Variants in ADGRV1 observed in about 807,000 individuals in gnomAD.
ADGRV1 encodes adhesion G protein-coupled receptor V1.
ADGRV1 carries 359 observed loss-of-function variants against 596.2 expected under a neutral mutation model. That is an observed-to-expected ratio of 0.60 (90% CI 0.55 to 0.66). The LOEUF is 0.66. Ranked by LOEUF, ADGRV1 falls within the 30% of genes least tolerant of loss-of-function variation. The pLI, the probability that ADGRV1 is intolerant of heterozygous loss-of-function variation, is 0.00. For synonymous variants in ADGRV1, 2,681 were observed against 2,679.2 expected (o/e 1.00, Z -0.02); for missense variants, 7,274 against 7,575.6 (o/e 0.96, Z 1.48).
intron 89 of ADGRV1, among the ~76,000 whole-genome samples, chr5:91,156,356 T>A (rs6863796): frequency 0.041 from 6,225 of 151,896 alleles, 350 homozygotes; most frequent in African/African-American, 0.12. Flanking sequence ...ACCAAGAAAC[T>A]GTAGCAAGTT....
At chr5:91,087,135 A>G (rs1042132401) in intron 86 of ADGRV1, among the ~76,000 whole-genome samples, 5 of 152,036 alleles carry the variant, frequency 3.3e-5, no homozygotes, top group African/African-American at 9.7e-5. Context: ...TCTTTCCCCA[A>G]AGTTCCCTGA....
At chr5:90,905,994 G>T (rs1038482254) in intron 83 of ADGRV1, among the ~76,000 whole-genome samples, 1 of 151,952 alleles carries the variant, frequency 6.6e-6, no homozygotes, top group Non-Finnish European at 1.5e-5. Flanking sequence ...TGATCATTTG[G>T]TTTTAGTCCT....
At chr5:91,080,600 A>AAC (rs1051030901) in intron 86 of ADGRV1, among the ~76,000 whole-genome samples, 32 of 151,616 alleles carry the variant, frequency 2.1e-4, no homozygotes, top group Non-Finnish European at 1.3e-4. Flanking sequence ...AAAAAAAAAA[A>AAC]AAAAAAAAAA....
At chr5:90,877,770 T>C (rs1345403509) in intron 83 of ADGRV1, among the ~76,000 whole-genome samples, 1 of 152,028 alleles carries the variant, frequency 6.6e-6, no homozygotes, top group African/African-American at 2.4e-5. Flanking sequence ...CACAATTTAC[T>C]GCTATCACAT....
chr5:91,066,803 G>C (rs1787921303), intron 85 of ADGRV1, among the ~76,000 whole-genome samples: 1 of 152,186 alleles, frequency 6.6e-6, no homozygotes, highest in African/African-American at 2.4e-5. Flanking sequence ...GATTGGGATG[G>C]AGTCCTGGCT....
intron 50 of ADGRV1, among the ~76,000 whole-genome samples, chr5:90,738,759 T>A (rs1753577021): frequency 6.6e-6 from 1 of 152,200 alleles, no homozygotes; most frequent in African/African-American, 2.4e-5. Flanking sequence ...TGTTTGATTT[T>A]TGTCTGGGTA....
At chr5:90,932,794 T>TTGTGTGTG (rs35670367) in intron 83 of ADGRV1, among the ~76,000 whole-genome samples, 19 of 150,382 alleles carry the variant, frequency 1.3e-4, no homozygotes, top group African/African-American at 3.4e-4. Flanking sequence ...TTGTCGTGAG[T>TTGTGTGTG]TGTGTGTGTG....
chr5:91,140,139 C>A (rs1794974431), intron 87 of ADGRV1, among the ~76,000 whole-genome samples: 2 of 152,220 alleles, frequency 1.3e-5, no homozygotes, highest in African/African-American at 4.8e-5. Context: ...ACCTTGCCTT[C>A]TCTCTTCATC....
rs893595264 is a variant in ADGRV1, at chr5:91,107,363, C to T, written c.18432+5023C>T. 2.6e-5 allele frequency among the ~76,000 whole-genome samples: 4 copies of T among 152,124 alleles called. No homozygotes were observed. In the East Asian group the frequency reaches 7.7e-4, roughly 29 times the overall value. ...TGCCATGGCAAGATCATGGACGAGG[C>T]AGGAAGAACAGAAGAGATAGAGGGC... On this transcript the variant is annotated intron_variant, in intron 87 of 89. Coordinates refer to ENST00000405460, the MANE Select transcript of ADGRV1 (RefSeq NM_032119.4).
In ADGRV1 at chr5:90,627,795, A is replaced by G. The variant is rs1764969572; in HGVS notation, c.1238+19A>G. On this transcript the variant is annotated intron_variant, in intron 7 of 89. Transcript: ENST00000405460. The stretch of plus-strand genomic sequence containing the variant: ...TATCAAGGTATGATTTATTTTAAAT[A>G]TATTGCTACCATTATTTTATTATAT... The G allele has an allele frequency of 7.5e-7, 1 of 1,339,990 alleles. No individual in the cohort carries two copies. Among genetic ancestry groups the G allele is most frequent in the Non-Finnish European group, 1.0e-6 (1 of 993,984 alleles). The allele number at this position is 1,339,990 out of a possible 1,614,324, so 83.0% of individuals were successfully genotyped here.
chr5:90,647,953 TTG>T (rs1768041464), intron 17 of ADGRV1, among the ~76,000 whole-genome samples, 189 bp downstream of exon 17: 2 of 152,184 alleles, frequency 1.3e-5, no homozygotes, highest in African/African-American at 4.8e-5. Flanking sequence ...TATGTACTTG[TTG>T]AACCTTTATG....
chr5:90,577,013 A>G (rs1001106362), intron 1 of ADGRV1, among the ~76,000 whole-genome samples: 1 of 152,106 alleles, frequency 6.6e-6, no homozygotes, highest in South Asian at 2.1e-4. Context: ...GATTCTGGAT[A>G]TTAGCCATTT....
At chr5:90,912,448 G>A (rs943190947) in intron 83 of ADGRV1, among the ~76,000 whole-genome samples, 5 of 152,170 alleles carry the variant, frequency 3.3e-5, no homozygotes, top group African/African-American at 7.2e-5. Context: ...TATATTGCAT[G>A]ATGCTGAGGT....
intron 85 of ADGRV1, among the ~76,000 whole-genome samples, chr5:90,985,858 G>A (rs745951310): frequency 6.6e-6 from 1 of 151,990 alleles, no homozygotes; most frequent in Admixed American, 6.6e-5. Context: ...CAGTTGGAGT[G>A]TGGCACATTC....
At chr5:90,801,805 T>A (rs1761405125) in intron 70 of ADGRV1, among the ~76,000 whole-genome samples, 1 of 152,218 alleles carries the variant, frequency 6.6e-6, no homozygotes, top group Non-Finnish European at 1.5e-5. Context: ...AGACCAACGT[T>A]TCTATGGGAA....
chr5:90,981,372 G>T (rs1780064070), intron 84 of ADGRV1, among the ~76,000 whole-genome samples: 1 of 152,172 alleles, frequency 6.6e-6, no homozygotes, highest in Non-Finnish European at 1.5e-5. Context: ...TGGGAGGCAG[G>T]TTGGCCCTAA....
At chr5:91,141,961 C>A (rs760772611) in intron 87 of ADGRV1, among the ~76,000 whole-genome samples, 1 of 152,322 alleles carries the variant, frequency 6.6e-6, no homozygotes, top group South Asian at 2.1e-4. Context: ...AGTGACCATA[C>A]CGCCAGGAAG....
Position 90,586,083 on chromosome 5 carries a change from A to T in ADGRV1, c.22+27166A>T, listed in dbSNP as rs527619737. Among the ~76,000 whole-genome samples the T allele has an allele frequency of 3.3e-5, 5 of 152,334 alleles. No homozygotes were observed. The East Asian group carries it at 9.6e-4, about 29-fold the overall frequency. On this transcript the variant is annotated intron_variant, in intron 1 of 89. Transcript: ENST00000405460. The stretch of plus-strand genomic sequence containing the variant: ...ATGTTAAATTTAAGTTAGAGCTTTG[A>T]TTATTATGTGGAGTGTGCCATTAAA...
At chr5:90,958,295 AAAAAAAAAG>A (rs936390259) in intron 83 of ADGRV1, among the ~76,000 whole-genome samples, 1 of 150,278 alleles carries the variant, frequency 6.7e-6, no homozygotes, top group African/African-American at 2.4e-5. Context: ...AAAAAAAAAA[AAAAAAAAAG>A]AAAAGAAAAG....
Sources: allele counts gnomAD v4.1 joint callset (sites outside exome capture counted in the v4.1 genomes callset), GRCh38; gene constraint gnomAD v4.1.1; transcripts MANE v1.5; gene names NCBI Gene and HGNC (gene_info 2026-07-23, HGNC 2026-07-21).